RNF216: variants seen among roughly 807,000 people sequenced by gnomAD.
The protein encoded by RNF216 is ring finger protein 216.
A neutral mutation model predicts 110.8 loss-of-function variants in RNF216; 72 were observed. That is an observed-to-expected ratio of 0.65 (90% CI 0.54 to 0.79). The LOEUF (loss-of-function observed/expected upper bound fraction) is 0.79. RNF216 is among the 30% of genes least tolerant of loss of function. The pLI, the probability that RNF216 is intolerant of heterozygous loss-of-function variation, is 0.00. For missense variants in RNF216, 1,342 were observed against 1,141.2 expected (o/e 1.18, Z -2.54); for synonymous variants, 495 against 407.5 (o/e 1.21, Z -2.59).
At chr7:5,729,638 C>T (rs1479028284) in intron 6 of RNF216, 42 bp from the exon 7 acceptor site, 9 of 1,514,472 alleles carry the variant, frequency 5.9e-6, no homozygotes, top group South Asian at 1.1e-5. Context: ...CCAGGCAGTA[C>T]ATTTCCCATA....
intron 3 of RNF216, 34 bp downstream of exon 3, chr7:5,752,812 A>C: frequency 6.2e-7 from 1 of 1,602,986 alleles, no homozygotes. Context: ...CCAACTTGCA[A>C]TAATGTCTCA....
intron 13 of RNF216, among the ~76,000 whole-genome samples, chr7:5,692,451 G>A (rs563652036): frequency 5.3e-5 from 8 of 152,232 alleles, no homozygotes; most frequent in Non-Finnish European, 1.2e-4. Flanking sequence ...GTTGGAAACA[G>A]TCTTGAATTC....
chr7:5,676,408 C>T (rs557023972), intron 13 of RNF216, among the ~76,000 whole-genome samples: 3 of 152,302 alleles, frequency 2.0e-5, no homozygotes, highest in East Asian at 1.9e-4. Flanking sequence ...AAAGTGCTGA[C>T]GGCAGTTGCA....
intron 13 of RNF216, among the ~76,000 whole-genome samples, chr7:5,675,711 A>ATTTTTTTTTTT (rs1562815251): frequency 1.5e-5 from 2 of 132,572 alleles, no homozygotes; most frequent in Admixed American, 7.2e-5. Context: ...CTCTATTCAA[A>ATTTTTTTTTTT]TTCTTTTTTT....
intron 13 of RNF216, among the ~76,000 whole-genome samples, chr7:5,705,002 A>C (rs1168827622): frequency 6.6e-6 from 1 of 152,220 alleles, no homozygotes; most frequent in Non-Finnish European, 1.5e-5. Flanking sequence ...AGATGTGAAT[A>C]AATGAAAAAA....
At chr7:5,698,547 T>C (rs903244784) in intron 13 of RNF216, among the ~76,000 whole-genome samples, 2 of 152,066 alleles carry the variant, frequency 1.3e-5, no homozygotes, top group African/African-American at 4.8e-5. Flanking sequence ...ACAGCACCCA[T>C]GCCTTATTAA....
intron 13 of RNF216, among the ~76,000 whole-genome samples, chr7:5,665,202 A>G (rs544731269): frequency 6.6e-6 from 1 of 152,308 alleles, no homozygotes; most frequent in East Asian, 1.9e-4. Context: ...ATTCCTCTCT[A>G]TCCTCAAAGT....
chr7:5,682,412 C>CTTT lies in RNF216; in HGVS notation c.2061+29346_2061+29348dup, dbSNP rs775691792. On this transcript the variant is annotated intron_variant, in intron 13 of 16. Coordinates refer to ENST00000389902, the MANE Select transcript of RNF216 (RefSeq NM_207111.4). ...TGACAGTTTTACTTTCATTTTTTTT[C>CTTT]TTTTTTTTTTTTTTTGAGACAGTCT... Among the ~76,000 whole-genome samples, 1,073 of 140,606 alleles carry CTTT rather than the reference C, an allele frequency of 7.6e-3. 15 individuals carry two copies. Among genetic ancestry groups the CTTT allele is most frequent in the African/African-American group, 0.027 (1,027 of 38,370 alleles). The allele number at this position is 140,606 out of a possible 152,430, so 92.2% of individuals were successfully genotyped here.
At chr7:5,742,283 G>A (rs544949077) in intron 3 of RNF216, among the ~76,000 whole-genome samples, 3 of 152,212 alleles carry the variant, frequency 2.0e-5, no homozygotes, top group African/African-American at 7.2e-5. Context: ...CTGGCCTCAA[G>A]TGATCCGCCT....
chr7:5,662,369 G>T (rs999739889), intron 13 of RNF216: 1 of 152,198 alleles, frequency 6.6e-6, no homozygotes, highest in African/African-American at 2.4e-5. Flanking sequence ...TAGGCTCCAT[G>T]AAAGTGTTCC....
At chr7:5,633,286 G>A (rs941645771) in intron 15 of RNF216, among the ~76,000 whole-genome samples, 2 of 151,948 alleles carry the variant, frequency 1.3e-5, no homozygotes, top group African/African-American at 2.4e-5. Flanking sequence ...TGGAAGAGCT[G>A]GAAGTAAGGC....
chr7:5,748,726 TATTA>T (rs1440122422), intron 3 of RNF216, among the ~76,000 whole-genome samples: 1 of 152,078 alleles, frequency 6.6e-6, no homozygotes, highest in African/African-American at 2.4e-5. Context: ...GTTAAGTAGT[TATTA>T]AGTAGTACTA....
chr7:5,688,016 A>T (rs1482139970), intron 13 of RNF216, among the ~76,000 whole-genome samples: 1 of 152,164 alleles, frequency 6.6e-6, no homozygotes, highest in Non-Finnish European at 1.5e-5. Flanking sequence ...CCGTTTTGAC[A>T]ATTTTCACTT....
At chr7:5,638,709 C>T (rs1787552985) in intron 15 of RNF216, among the ~76,000 whole-genome samples, 1 of 149,900 alleles carries the variant, frequency 6.7e-6, no homozygotes, top group Non-Finnish European at 1.5e-5. Context: ...AAGAACATGG[C>T]TCACTGCAGC....
chr7:5,642,030 C>G (rs1421302446), intron 14 of RNF216, among the ~76,000 whole-genome samples: 50 of 98,218 alleles, frequency 5.1e-4, no homozygotes, highest in African/African-American at 2.3e-3. Context: ...GAGACTCTAT[C>G]TTAAAAAAAA....
chr7:5,725,311 C>T lies in RNF216; in HGVS notation c.1504+13G>A, dbSNP rs548618558. 7.7e-6 allele frequency: 11 copies of T among 1,435,334 alleles called. No individual in the cohort carries two copies. Among genetic ancestry groups the T allele is most frequent in the Middle Eastern group, 1.7e-4 (1 of 5,794 alleles). 88.9% of individuals were successfully genotyped at this position (1,435,334 alleles called of 1,614,324 possible). ...TTGCAGCTACACACTGCCACCAACACAGTTTGCATTACCTTGTTCAAACTT... is the reference window on the plus strand; with the variant it reads ...TTGCAGCTACACACTGCCACCAACATAGTTTGCATTACCTTGTTCAAACTT... On this transcript the variant is annotated intron_variant, in intron 8 of 16. Coordinates refer to ENST00000389902, the MANE Select transcript of RNF216 (RefSeq NM_207111.4).
Position 5,706,145 on chromosome 7 carries a change from G to A in RNF216, c.2061+5616C>T, listed in dbSNP as rs141455777. On this transcript the variant is annotated intron_variant, in intron 13 of 16. Transcript: ENST00000389902. ...TGAGGCAGGAGAATCGCTTGCACCC[G>A]GAAGGTGGAGGTTGCAGTGAGCTGA... is the stretch of plus-strand genomic sequence containing the variant. 3.3e-3 allele frequency among the ~76,000 whole-genome samples: 503 copies of A among 151,138 alleles called. 1 individual carries two copies. The highest frequency in any genetic ancestry group is 0.011 in the African/African-American group (470 of 41,038).
intron 13 of RNF216, among the ~76,000 whole-genome samples, chr7:5,695,890 T>A (rs948626356): frequency 6.6e-6 from 1 of 152,242 alleles, no homozygotes; most frequent in Non-Finnish European, 1.5e-5. Context: ...GCTGTTTGTG[T>A]TGCACTGAAA....
intron 15 of RNF216, among the ~76,000 whole-genome samples, chr7:5,634,809 G>A (rs953958921): frequency 7.2e-5 from 11 of 152,250 alleles, no homozygotes; most frequent in Non-Finnish European, 1.5e-4. Context: ...CCAACAGGCC[G>A]TGTGTACTGG....
Sources: allele counts gnomAD v4.1 joint callset (sites outside exome capture counted in the v4.1 genomes callset), GRCh38; gene constraint gnomAD v4.1.1; transcripts MANE v1.5; gene names NCBI Gene and HGNC (gene_info 2026-07-23, HGNC 2026-07-21).